The following FGF14 variants were observed in gnomAD, a reference collection of about 807,000 sequenced individuals.
The protein encoded by FGF14 is fibroblast growth factor 14.
In FGF14, 5 loss-of-function variants were observed where a neutral mutation model predicts 25.5. That is an observed-to-expected ratio of 0.20 (90% CI 0.10 to 0.41). The LOEUF is 0.41. FGF14 is among the 10% of genes least tolerant of loss of function. The pLI is 1.00. For missense variants in FGF14, 222 were observed against 320.1 expected (o/e 0.69, Z 2.34); for synonymous variants, 138 against 118.3 (o/e 1.17, Z -1.08).
intron 1 of FGF14, among the ~76,000 whole-genome samples, chr13:102,211,546 G>A (rs942777637): frequency 6.6e-6 from 1 of 152,266 alleles, no homozygotes; most frequent in Non-Finnish European, 1.5e-5. Context: ...GTTAAGGGGG[G>A]AAAAAGCCAA....
chr13:101,992,306 G>A (rs1449806149), intron 1 of FGF14, among the ~76,000 whole-genome samples: 2 of 152,210 alleles, frequency 1.3e-5, no homozygotes, highest in South Asian at 2.1e-4. Flanking sequence ...CATAGCTAGA[G>A]GAAACAGTAA....
intron 1 of FGF14, among the ~76,000 whole-genome samples, chr13:102,009,221 G>C (rs986219927): frequency 6.6e-6 from 1 of 152,034 alleles, no homozygotes; most frequent in Non-Finnish European, 1.5e-5. Flanking sequence ...ATCATATTTT[G>C]TAACACATTT....
chr13:101,927,260 T>C (rs1364814727), intron 1 of FGF14, among the ~76,000 whole-genome samples: 4 of 152,238 alleles, frequency 2.6e-5, no homozygotes, highest in Non-Finnish European at 4.4e-5. Context: ...ATTGTATATA[T>C]ACATAAAATA....
intron 3 of FGF14, 89 bp from the exon 4 acceptor site, chr13:101,726,899 G>A (rs2035475199): frequency 1.0e-6 from 1 of 1,000,512 alleles, no homozygotes; most frequent in Non-Finnish European, 1.5e-6. Context: ...TTCCCAGCAT[G>A]GTGAAAGAGT....
chr13:102,278,645 T>TATATATATATATATATATATAC (rs1452733538), intron 1 of FGF14, among the ~76,000 whole-genome samples: 1 of 146,954 alleles, frequency 6.8e-6, no homozygotes. Flanking sequence ...TATATATATA[T>TATATATATATATATATATATAC]ACATACACAC....
At chr13:101,953,250 G>A (rs2036286472) in intron 1 of FGF14, among the ~76,000 whole-genome samples, 1 of 152,104 alleles carries the variant, frequency 6.6e-6, no homozygotes, top group Non-Finnish European at 1.5e-5. Flanking sequence ...GTTCATCTGT[G>A]CACCAACGGT....
intron 1 of FGF14, among the ~76,000 whole-genome samples, chr13:102,386,266 G>A (rs2058300234): frequency 2.0e-5 from 3 of 151,454 alleles, no homozygotes; most frequent in Admixed American, 1.3e-4. Flanking sequence ...CCAAGTGGCT[G>A]GGATTATAGG....
At chr13:101,739,456 T>C (rs2036402668) in intron 3 of FGF14, among the ~76,000 whole-genome samples, 1 of 152,164 alleles carries the variant, frequency 6.6e-6, no homozygotes, top group Non-Finnish European at 1.5e-5. Flanking sequence ...ATGATTTCTA[T>C]GAGATCACAT....
At chr13:102,391,330 T>C (rs1280678111) in intron 1 of FGF14, among the ~76,000 whole-genome samples, 2 of 152,220 alleles carry the variant, frequency 1.3e-5, no homozygotes. Flanking sequence ...GACCACATAC[T>C]AACTATAGCA....
chr13:101,844,440 T>C (rs2043345642), intron 3 of FGF14, among the ~76,000 whole-genome samples: 1 of 152,066 alleles, frequency 6.6e-6, no homozygotes, highest in Non-Finnish European at 1.5e-5. Context: ...AACATATATT[T>C]AAAGCCCGTT....
intron 1 of FGF14, among the ~76,000 whole-genome samples, chr13:101,926,446 C>T (rs918305170): frequency 2.0e-5 from 3 of 152,178 alleles, no homozygotes; most frequent in Non-Finnish European, 4.4e-5. Context: ...TGGACCGCTC[C>T]AGTACCACCT....
chr13:102,076,173 C>T (rs1223309272), intron 1 of FGF14, among the ~76,000 whole-genome samples: 1 of 152,136 alleles, frequency 6.6e-6, no homozygotes, highest in Non-Finnish European at 1.5e-5. Flanking sequence ...CCTTCACATC[C>T]ACTCACCACT....
chr13:102,059,733 C>A (rs2042592849), intron 1 of FGF14, among the ~76,000 whole-genome samples: 1 of 151,868 alleles, frequency 6.6e-6, no homozygotes, highest in South Asian at 2.1e-4. Context: ...CGCCTGTAGC[C>A]CCAGCTACTC....
At chr13:102,186,240 T>C (rs114011819) in intron 1 of FGF14, among the ~76,000 whole-genome samples, 1,601 of 152,302 alleles carry the variant, frequency 0.011, 32 homozygotes, top group African/African-American at 0.036. Flanking sequence ...ATATTTTCTC[T>C]TAAGATGGCT....
intron 1 of FGF14, among the ~76,000 whole-genome samples, chr13:102,270,570 C>G (rs117249561): frequency 0.019 from 2,852 of 152,216 alleles, 47 homozygotes; most frequent in Admixed American, 0.033. Flanking sequence ...ATATTGTCAA[C>G]CTGCTTGCCA....
chr13:102,064,413 G>GT (rs1377867320), intron 1 of FGF14, among the ~76,000 whole-genome samples: 2 of 152,006 alleles, frequency 1.3e-5, no homozygotes, highest in African/African-American at 4.8e-5. Flanking sequence ...AATTGAAAAC[G>GT]TAACTAAAAA....
At chr13:102,198,008 C>T (rs1040630567) in intron 1 of FGF14, among the ~76,000 whole-genome samples, 1 of 152,184 alleles carries the variant, frequency 6.6e-6, no homozygotes, top group African/African-American at 2.4e-5. Flanking sequence ...TTTTCACTCT[C>T]TAGCCATGGT....
chr13:102,298,200 T>G (rs947520049), intron 1 of FGF14, among the ~76,000 whole-genome samples: 3 of 152,164 alleles, frequency 2.0e-5, no homozygotes, highest in Non-Finnish European at 4.4e-5. Context: ...AGAAGGATGC[T>G]GCACTCAGCT....
chr13:102,123,940 A>G (rs1001265683), intron 1 of FGF14, among the ~76,000 whole-genome samples: 3 of 152,186 alleles, frequency 2.0e-5, no homozygotes, highest in Non-Finnish European at 2.9e-5. Flanking sequence ...ATCATTCAGC[A>G]CTTCTCCAGA....
Sources: gnomAD v4.1 joint callset for allele counts (sites outside exome capture counted in the v4.1 genomes callset) on GRCh38, gnomAD v4.1.1 for gene constraint, MANE v1.5 for transcripts, NCBI Gene and HGNC (gene_info 2026-07-23, HGNC 2026-07-21) for gene names.